ATRNL1: variants seen among roughly 807,000 people sequenced by gnomAD.
ATRNL1 encodes attractin-like protein 1.
In ATRNL1, 95 loss-of-function variants were observed where a neutral mutation model predicts 182.7. That is an observed-to-expected ratio of 0.52 (90% confidence interval 0.44 to 0.62). The LOEUF is 0.62. ATRNL1 is among the 20% of genes least tolerant of loss of function. ATRNL1 has a pLI of 0.00. For synonymous variants in ATRNL1, 576 were observed against 568.3 expected (o/e 1.01, Z -0.19); for missense variants, 1,471 against 1,679.5 (o/e 0.88, Z 2.17).
At chr10:115,531,769 G>C (rs1469344062) in intron 25 of ATRNL1, among the ~76,000 whole-genome samples, 1 of 149,204 alleles carries the variant, frequency 6.7e-6, no homozygotes, top group African/African-American at 2.4e-5. Flanking sequence ...TAGGTCTAAC[G>C]TTTAAGTCTT....
intron 24 of ATRNL1, among the ~76,000 whole-genome samples, chr10:115,488,928 T>G (rs782509116): frequency 2.6e-5 from 4 of 152,166 alleles, no homozygotes; most frequent in Non-Finnish European, 5.9e-5. Flanking sequence ...TGTTGTGTCT[T>G]TGTTCTCATT....
intron 3 of ATRNL1, 34 bp from the exon 4 acceptor site, chr10:115,127,559 T>C: frequency 6.4e-7 from 1 of 1,566,970 alleles, no homozygotes; most frequent in South Asian, 1.1e-5. Context: ...TATGTATATC[T>C]ATACATACAA....
chr10:115,796,837 T>C (rs1325596495), intron 27 of ATRNL1, among the ~76,000 whole-genome samples: 4 of 152,182 alleles, frequency 2.6e-5, no homozygotes, highest in Admixed American at 2.6e-4. Flanking sequence ...ATTAAATCTA[T>C]TGATTTATTT....
chr10:115,278,096 T>G (rs1350214605), intron 13 of ATRNL1, among the ~76,000 whole-genome samples: 1 of 152,220 alleles, frequency 6.6e-6, no homozygotes, highest in African/African-American at 2.4e-5. Flanking sequence ...CCCAGGGGTC[T>G]GCATGATACT....
Position 115,093,719 on chromosome 10 carries a change from C to T in ATRNL1, c.-32C>T. 7.1e-7 allele frequency: 1 copy of T among 1,417,390 alleles called. No homozygotes were observed. Among genetic ancestry groups the T allele is most frequent in the South Asian group, 1.5e-5 (1 of 67,028 alleles). 87.8% of individuals were successfully genotyped at this position (1,417,390 alleles called of 1,614,324 possible). A position where few individuals can be genotyped will look rare whatever the true frequency, so the allele number is the denominator to read the frequency against. ...CAGCATCCCTGTCGGCGCCCGCGAG[C>T]GCAGTCTCGCCGGGCAGGGGCGCCG... On this transcript the variant is annotated 5_prime_UTR_variant, in exon 1 of 29. Coordinates refer to ENST00000355044, the MANE Select transcript of ATRNL1 (RefSeq NM_207303.4). The surrounding 1 kb of genome is among the most constrained non-coding windows in gnomAD (Gnocchi z 6.1).
chr10:115,352,200 T>C (rs1384612394), intron 19 of ATRNL1, among the ~76,000 whole-genome samples: 1 of 152,016 alleles, frequency 6.6e-6, no homozygotes, highest in Non-Finnish European at 1.5e-5. Flanking sequence ...CTTCTCACTT[T>C]TTTTCTTAGT....
intron 26 of ATRNL1, among the ~76,000 whole-genome samples, chr10:115,565,828 A>G (rs1354346264): frequency 1.3e-5 from 2 of 152,176 alleles, no homozygotes; most frequent in Non-Finnish European, 2.9e-5. Flanking sequence ...CTAGTATAAA[A>G]GTATATTTTG....
intron 25 of ATRNL1, among the ~76,000 whole-genome samples, chr10:115,522,882 A>G (rs1554985623): frequency 6.6e-6 from 1 of 152,212 alleles, no homozygotes; most frequent in Admixed American, 6.5e-5. Flanking sequence ...GGAAGACATT[A>G]AATCTTAAAG....
chr10:115,935,230 A>G (rs919854003), intron 28 of ATRNL1, among the ~76,000 whole-genome samples: 3 of 152,220 alleles, frequency 2.0e-5, no homozygotes, highest in Non-Finnish European at 4.4e-5. Context: ...CATGCCCTCA[A>G]TACATGTTTC....
intron 8 of ATRNL1, among the ~76,000 whole-genome samples, chr10:115,187,670 GTTTTT>G (rs557762991): frequency 1.8e-5 from 2 of 111,836 alleles, no homozygotes; most frequent in African/African-American, 3.6e-5. Context: ...AGGGTGCTTG[GTTTTT>G]TTTTTTTTTT....
At chr10:115,755,196 C>T (rs12251879) in intron 27 of ATRNL1, among the ~76,000 whole-genome samples, 3,550 of 152,220 alleles carry the variant, frequency 0.023, 123 homozygotes, top group African/African-American at 0.081. Context: ...GCCAGAACTT[C>T]CAATACTATG....
At chr10:115,448,524 G>C (rs1267310076) in intron 21 of ATRNL1, among the ~76,000 whole-genome samples, 1 of 152,140 alleles carries the variant, frequency 6.6e-6, no homozygotes, top group South Asian at 2.1e-4. Flanking sequence ...AGCTAAGGCA[G>C]TGTTAAGAGG....
At chr10:115,655,956 G>C (rs1323250671) in intron 26 of ATRNL1, among the ~76,000 whole-genome samples, 1 of 152,058 alleles carries the variant, frequency 6.6e-6, no homozygotes, top group East Asian at 1.9e-4. Context: ...GACCATATGT[G>C]CTGCTGCCCC....
At chr10:115,646,841 C>G (rs1467294994) in intron 26 of ATRNL1, among the ~76,000 whole-genome samples, 4 of 151,802 alleles carry the variant, frequency 2.6e-5, no homozygotes, top group African/African-American at 9.7e-5. Flanking sequence ...ATGTGCACAA[C>G]ATGCAGGTTT....
chr10:115,731,128 G>GACACACC (rs1477981466), intron 27 of ATRNL1, among the ~76,000 whole-genome samples: 21 of 152,132 alleles, frequency 1.4e-4, no homozygotes, highest in African/African-American at 5.1e-4. Flanking sequence ...CATCGTCGCA[G>GACACACC]ACACACCCAG....
chr10:115,470,738 G>A (rs961681535), intron 24 of ATRNL1, among the ~76,000 whole-genome samples: 4 of 150,350 alleles, frequency 2.7e-5, no homozygotes, highest in African/African-American at 9.7e-5. Flanking sequence ...TTTGTGTAAC[G>A]AGGTTGAAAT....
chr10:115,368,550 C>G (rs1857204184), intron 19 of ATRNL1, among the ~76,000 whole-genome samples: 1 of 152,132 alleles, frequency 6.6e-6, no homozygotes, highest in African/African-American at 2.4e-5. Flanking sequence ...GCTCGCAGTA[C>G]ATTGTTTTTA....
At chr10:115,328,370 T>C (rs1855029959) in intron 18 of ATRNL1, among the ~76,000 whole-genome samples, 1 of 152,182 alleles carries the variant, frequency 6.6e-6, no homozygotes, top group African/African-American at 2.4e-5. Flanking sequence ...TGTTGTATAA[T>C]GGTCGAATCA....
intron 19 of ATRNL1, among the ~76,000 whole-genome samples, chr10:115,374,613 C>T (rs1478397403): frequency 2.0e-5 from 3 of 151,438 alleles, no homozygotes; most frequent in Non-Finnish European, 4.4e-5. Flanking sequence ...TTTGAAGTAA[C>T]CATTAATTGC....
Sources: gnomAD v4.1 joint callset for allele counts (sites outside exome capture counted in the v4.1 genomes callset) on GRCh38, gnomAD v4.1.1 for gene constraint, Gnocchi (gnomAD v3.1) non-coding constraint, MANE v1.5 for transcripts, NCBI Gene and HGNC (gene_info 2026-07-23, HGNC 2026-07-21) for gene names.